The following SLC38A8 variants were observed in gnomAD, a reference collection of about 807,000 sequenced individuals.
SLC38A8 encodes the protein solute carrier family 38 member 8, also known as amino acid transporter SLC38A8.
Under a neutral mutation model 46.0 loss-of-function variants are expected in SLC38A8, and 65 were observed. The ratio of observed to expected loss-of-function variants is 1.41; its 90% CI spans 1.16 to 1.74. The LOEUF is 1.74. Ranked by LOEUF, SLC38A8 falls within the 40% of genes most tolerant of loss-of-function variation. The probability of loss-of-function intolerance (pLI) is 0.00; values close to 1 mark genes in which losing one functional copy is unlikely to be tolerated. For missense variants in SLC38A8, 998 were observed against 567.9 expected (o/e 1.76, Z -7.70); for synonymous variants, 447 against 243.7 (o/e 1.83, Z -7.77).
At chr16:84,034,370 G>T (rs138402561) in intron 3 of SLC38A8, among the ~76,000 whole-genome samples, 1 of 152,214 alleles carries the variant, frequency 6.6e-6, no homozygotes, top group Non-Finnish European at 1.5e-5. Context: ...AGAATGTGGG[G>T]CCATTTTTAT....
chr16:84,037,053 A>C (rs2085308715), intron 2 of SLC38A8, among the ~76,000 whole-genome samples, 153 bp from the exon 3 acceptor site: 1 of 151,678 alleles, frequency 6.6e-6, no homozygotes, highest in Admixed American at 6.6e-5. Flanking sequence ...CAGCTATGTC[A>C]CTGCACACAC....
chr16:84,029,594 A>G, intron 5 of SLC38A8, 43 bp from the exon 6 acceptor site: 1 of 1,586,832 alleles, frequency 6.3e-7, no homozygotes. Context: ...GAAGGGTCAC[A>G]CCCGGAACAA....
At chr16:84,028,503 G>A (rs114843738) in intron 6 of SLC38A8, among the ~76,000 whole-genome samples, 207 of 151,336 alleles carry the variant, frequency 1.4e-3, no homozygotes, top group African/African-American at 4.5e-3. Flanking sequence ...AGGAGGTGCA[G>A]TGCAGTGAGC....
At chr16:84,018,663 A>G (rs1306733623) in intron 7 of SLC38A8, among the ~76,000 whole-genome samples, 1 of 152,178 alleles carries the variant, frequency 6.6e-6, no homozygotes, top group Non-Finnish European at 1.5e-5. Context: ...AATCAACACC[A>G]GACAATCACA....
chr16:84,041,563 T>C (rs549964911), intron 2 of SLC38A8, among the ~76,000 whole-genome samples: 108 of 152,330 alleles, frequency 7.1e-4, no homozygotes, highest in African/African-American at 2.4e-3. Context: ...TCCGTCCACC[T>C]TGGCCTCCCA....
At chr16:84,025,782 T>G (rs1265595952) in intron 6 of SLC38A8, among the ~76,000 whole-genome samples, 1 of 152,162 alleles carries the variant, frequency 6.6e-6, no homozygotes, top group Non-Finnish European at 1.5e-5. Flanking sequence ...CACAGTGGCC[T>G]CCTCCCTCCG....
chr16:84,015,436 T>A (rs1219529898), intron 9 of SLC38A8, among the ~76,000 whole-genome samples: 2 of 151,942 alleles, frequency 1.3e-5, no homozygotes, highest in African/African-American at 2.4e-5. Flanking sequence ...ATTTGCAGGG[T>A]GCCTTGAGCC....
chr16:84,010,882 A>T (rs2084944272), intron 10 of SLC38A8, among the ~76,000 whole-genome samples: 1 of 152,104 alleles, frequency 6.6e-6, no homozygotes, highest in Non-Finnish European at 1.5e-5. Flanking sequence ...ACACGATCTC[A>T]GAGGGGTAGG....
intron 6 of SLC38A8, among the ~76,000 whole-genome samples, chr16:84,028,332 G>C (rs1473666468): frequency 5.3e-5 from 8 of 152,100 alleles, no homozygotes; most frequent in Non-Finnish European, 1.0e-4. Context: ...TATAATCCTA[G>C]CACTGTGGGA....
At chr16:84,040,003 G>T (rs1199208838) in intron 2 of SLC38A8, 1 of 152,248 alleles carries the variant, frequency 6.6e-6, no homozygotes, top group Non-Finnish European at 1.5e-5. Flanking sequence ...GATCAGATGA[G>T]ATCAGGTGCG....
intron 2 of SLC38A8, among the ~76,000 whole-genome samples, chr16:84,039,234 G>C (rs58019821): frequency 1.3e-5 from 2 of 152,146 alleles, no homozygotes; most frequent in African/African-American, 4.8e-5. Context: ...AGAACTGTGA[G>C]AGAATACATT....
At chr16:84,010,229 C>T (rs1036267900) in intron 10 of SLC38A8, among the ~76,000 whole-genome samples, 1 of 151,976 alleles carries the variant, frequency 6.6e-6, no homozygotes, top group Non-Finnish European at 1.5e-5. Context: ...CACGATGACA[C>T]GAGGCCAATT....
chr16:84,031,728 C>G (rs1269251561), intron 5 of SLC38A8, 139 bp downstream of exon 5: 8 of 722,202 alleles, frequency 1.1e-5, no homozygotes, highest in East Asian at 7.9e-5. Flanking sequence ...TTCACCGCAT[C>G]AGAGACGGAA....
chr16:84,032,320 C>G (rs551984256), intron 4 of SLC38A8, among the ~76,000 whole-genome samples: 4 of 152,302 alleles, frequency 2.6e-5, no homozygotes, highest in African/African-American at 9.6e-5. Flanking sequence ...TCCCGAATAG[C>G]TGGGATTACA....
intron 6 of SLC38A8, among the ~76,000 whole-genome samples, chr16:84,024,286 C>A (rs2085134426): frequency 6.6e-6 from 1 of 152,190 alleles, no homozygotes; most frequent in African/African-American, 2.4e-5. Context: ...GACCATGTCA[C>A]ATGGGTGCAC....
chr16:84,016,755 T>C (rs565782964), intron 8 of SLC38A8, 28 bp from the exon 9 acceptor site: 9 of 1,600,124 alleles, frequency 5.6e-6, no homozygotes, highest in African/African-American at 2.7e-5. Context: ...CACAGACACA[T>C]GGGCATCTCA....
intron 3 of SLC38A8, 133 bp from the exon 4 acceptor site, chr16:84,033,602 G>A (rs748417181): frequency 2.6e-4 from 265 of 1,010,694 alleles, no homozygotes; most frequent in Non-Finnish European, 2.7e-4. Flanking sequence ...GGGATCAGAC[G>A]ACAAGTGAGA....
intron 2 of SLC38A8, among the ~76,000 whole-genome samples, chr16:84,041,643 G>A (rs1373684819): frequency 6.6e-6 from 1 of 152,124 alleles, no homozygotes; most frequent in African/African-American, 2.4e-5. Flanking sequence ...AGACCAGCAG[G>A]CAAGAAAGAG....
At chr16:84,031,251 G>A (rs191662415) in intron 5 of SLC38A8, among the ~76,000 whole-genome samples, 91 of 152,166 alleles carry the variant, frequency 6.0e-4, no homozygotes, top group Non-Finnish European at 1.1e-3. Context: ...ATGTTGGCAA[G>A]GTTGGTTTTG....
Sources: gnomAD v4.1 joint callset for allele counts (sites outside exome capture counted in the v4.1 genomes callset) on GRCh38, gnomAD v4.1.1 for gene constraint, MANE v1.5 for transcripts, NCBI Gene and HGNC (gene_info 2026-07-23, HGNC 2026-07-21) for gene names.